The following RIMS2 variants were observed in gnomAD, a reference collection of about 807,000 sequenced individuals.
RIMS2 encodes the protein regulating synaptic membrane exocytosis 2.
In RIMS2, 59 loss-of-function variants were observed where a neutral mutation model predicts 174.4. The ratio of observed to expected loss-of-function variants is 0.34; its 90% CI spans 0.27 to 0.42. The LOEUF is 0.42. Among genes scored for constraint, RIMS2 ranks in the 10% least tolerant of loss-of-function variants. The pLI is 1.00. For missense variants in RIMS2, 1,620 were observed against 1,666.3 expected, an observed-to-expected ratio of 0.97 and a Z score of 0.48; for synonymous variants, 606 against 572.5, an observed-to-expected ratio of 1.06 and a Z score of -0.84.
intron 19 of RIMS2, among the ~76,000 whole-genome samples, chr8:104,146,002 T>A (rs1444956778): frequency 6.6e-6 from 1 of 151,932 alleles, no homozygotes; most frequent in African/African-American, 2.4e-5. Context: ...CTACTATTCA[T>A]AAACTCATCC....
intron 19 of RIMS2, among the ~76,000 whole-genome samples, chr8:104,040,345 T>G (rs935799693): frequency 6.6e-6 from 1 of 151,670 alleles, no homozygotes; most frequent in Non-Finnish European, 1.5e-5. Context: ...TTGTGGCATA[T>G]TGTTCATCTG....
intron 14 of RIMS2, among the ~76,000 whole-genome samples, chr8:103,958,301 G>T (rs2088331061): frequency 6.6e-6 from 1 of 152,106 alleles, no homozygotes; most frequent in Admixed American, 6.6e-5. Flanking sequence ...ACTAATGCAG[G>T]AACAGAAGAC....
chr8:104,209,194 C>T (rs1476018765), intron 19 of RIMS2, among the ~76,000 whole-genome samples: 2 of 152,118 alleles, frequency 1.3e-5, no homozygotes, highest in African/African-American at 2.4e-5. Context: ...ATATAGCAGG[C>T]AGAATTAATT....
chr8:103,920,158 C>A (rs912895480), intron 9 of RIMS2, among the ~76,000 whole-genome samples: 1 of 152,102 alleles, frequency 6.6e-6, no homozygotes, highest in African/African-American at 2.4e-5. Flanking sequence ...TAGATCCAAT[C>A]TTTTATTCTT....
intron 1 of RIMS2, among the ~76,000 whole-genome samples, chr8:103,690,659 A>G (rs756711931): frequency 1.3e-5 from 2 of 152,160 alleles, no homozygotes; most frequent in Non-Finnish European, 2.9e-5. Context: ...TGTAGTGTCT[A>G]TGTCTTAAAA....
chr8:103,511,922 T>A (rs942281150), intron 1 of RIMS2, among the ~76,000 whole-genome samples: 2 of 152,078 alleles, frequency 1.3e-5, no homozygotes, highest in African/African-American at 4.8e-5. Flanking sequence ...TCAGCCCTCA[T>A]TGGAGGATGT....
At chr8:103,689,833 A>T (rs1590386423) in intron 1 of RIMS2, among the ~76,000 whole-genome samples, 1 of 151,370 alleles carries the variant, frequency 6.6e-6, no homozygotes, top group South Asian at 2.1e-4. Flanking sequence ...TCCTTTTTCC[A>T]TTTCTTTATT....
intron 16 of RIMS2, chr8:103,976,891 T>G (rs890445121): frequency 1.3e-5 from 2 of 152,178 alleles, no homozygotes; most frequent in Admixed American, 1.3e-4. Flanking sequence ...CAGCTACAGG[T>G]CTTAAGCTTA....
intron 3 of RIMS2, 63 bp from the exon 7 acceptor site, chr8:103,885,235 C>T: frequency 6.8e-7 from 1 of 1,475,072 alleles, no homozygotes; most frequent in East Asian, 2.4e-5. Context: ...GCCAGCAAAT[C>T]AATGAAATGT....
chr8:104,014,699 A>G, intron 19 of RIMS2, 84 bp downstream of exon 21: 2 of 724,888 alleles, frequency 2.8e-6, no homozygotes, highest in South Asian at 1.8e-5. Context: ...CCTTTGTGTT[A>G]ATTTTCTTCT....
At chr8:103,851,856 A>T (rs2099000211) in intron 3 of RIMS2, among the ~76,000 whole-genome samples, 1 of 152,074 alleles carries the variant, frequency 6.6e-6, no homozygotes, top group Non-Finnish European at 1.5e-5. Flanking sequence ...TAGAATATGA[A>T]AATGAATTGC....
At chr8:104,096,693 C>T (rs536683937) in intron 19 of RIMS2, among the ~76,000 whole-genome samples, 63 of 152,058 alleles carry the variant, frequency 4.1e-4, no homozygotes, top group African/African-American at 1.5e-3. Context: ...CGTGGTGAAA[C>T]CCCATCTCTA....
At chr8:104,236,293 CT>C (rs1048835829) in intron 19 of RIMS2, among the ~76,000 whole-genome samples, 1 of 151,974 alleles carries the variant, frequency 6.6e-6, no homozygotes, top group African/African-American at 2.4e-5. Context: ...ATATTTTTCT[CT>C]TTATAATTAC....
intron 9 of RIMS2, 112 bp from the exon 13 acceptor site, chr8:103,921,560 G>C (rs1333312760): frequency 3.3e-6 from 2 of 612,342 alleles, no homozygotes; most frequent in Non-Finnish European, 5.9e-6. Flanking sequence ...TCTATATAAT[G>C]ACACCTTGTG....
Position 103,845,939 on chromosome 8 carries a change from T to C in RIMS2, c.699-39359T>C, listed in dbSNP as rs562427190. Among the ~76,000 whole-genome samples, 21 of 152,308 alleles carry C rather than the reference T, an allele frequency of 1.4e-4. No homozygotes were observed. The South Asian group carries it at 4.1e-3, about 30-fold the overall frequency. On this transcript the variant is annotated intron_variant, in intron 3 of 23. Coordinates refer to ENST00000504942, the Ensembl canonical transcript of RIMS2. ...AAAAAGATGCTAAGGATCTCTATTC[T>C]TGAAGAACGTAATACTTACTGGTGA... is the stretch of plus-strand genomic sequence containing the variant.
chr8:103,655,072 A>G (rs2096509610), intron 1 of RIMS2, among the ~76,000 whole-genome samples: 1 of 151,832 alleles, frequency 6.6e-6, no homozygotes, highest in African/African-American at 2.4e-5. Context: ...AAGATTTACT[A>G]ATTTTGATTT....
chr8:104,061,638 ATATT>A (rs1437080574), intron 19 of RIMS2, among the ~76,000 whole-genome samples: 1 of 149,262 alleles, frequency 6.7e-6, no homozygotes, highest in Non-Finnish European at 1.5e-5. Flanking sequence ...TTATAAATAT[ATATT>A]TATATTTAAA....
At chr8:104,159,280 G>T (rs569759435) in intron 19 of RIMS2, among the ~76,000 whole-genome samples, 1 of 152,274 alleles carries the variant, frequency 6.6e-6, no homozygotes, top group South Asian at 2.1e-4. Context: ...CCAGTACCAT[G>T]CTGTTTTGGT....
chr8:104,066,765 T>C (rs899113117), intron 19 of RIMS2, among the ~76,000 whole-genome samples: 1 of 152,268 alleles, frequency 6.6e-6, no homozygotes, highest in East Asian at 1.9e-4. Flanking sequence ...AAATCATTAT[T>C]AACATGTGAC....
Sources: gnomAD v4.1 joint callset for allele counts (sites outside exome capture counted in the v4.1 genomes callset) on GRCh38, gnomAD v4.1.1 for gene constraint, MANE v1.5 for transcripts, NCBI Gene and HGNC (gene_info 2026-07-23, HGNC 2026-07-21) for gene names.